The following ZNF385D variants were observed in gnomAD, a reference collection of about 807,000 sequenced individuals.
ZNF385D encodes zinc finger protein 385D.
A neutral mutation model predicts 35.8 loss-of-function variants in ZNF385D; 15 were observed. The observed-to-expected ratio is 0.42, with a 90% CI of 0.28 to 0.64. The LOEUF (loss-of-function observed/expected upper bound fraction) is 0.64. ZNF385D is among the 30% of genes least tolerant of loss of function. ZNF385D has a pLI of 0.23. For missense variants in ZNF385D, 474 were observed against 494.6 expected (o/e 0.96, Z 0.39); for synonymous variants, 212 against 186.8 (o/e 1.13, Z -1.10).
chr3:21,445,686 C>T (rs1021895480), intron 4 of ZNF385D, among the ~76,000 whole-genome samples: 1 of 152,130 alleles, frequency 6.6e-6, no homozygotes, highest in African/African-American at 2.4e-5. Flanking sequence ...ATAACTAGAA[C>T]AGTGTCTGCC....
chr3:22,130,020 A>G (rs1609179), intron 3 of ZNF385D, among the ~76,000 whole-genome samples: 1 of 151,868 alleles, frequency 6.6e-6, no homozygotes, highest in East Asian at 1.9e-4. Flanking sequence ...AAGGATTCTT[A>G]AGCCAGCAGG....
In ZNF385D at chr3:21,979,426, G is replaced by C. The variant is rs142914937; in HGVS notation, c.325+189391C>G. Among the ~76,000 whole-genome samples the C allele has an allele frequency of 2.7e-3, 407 of 152,204 alleles. 2 individuals are homozygous for C. The highest frequency in any genetic ancestry group is 9.2e-3 in the African/African-American group (384 of 41,546). ...AGATTGAGCTTTTTATCCAATATTTGACAGCTAGTTAGCCACTAAGCTGAA... is the reference window on the plus strand; with the variant it reads ...AGATTGAGCTTTTTATCCAATATTTCACAGCTAGTTAGCCACTAAGCTGAA... On this transcript the variant is annotated intron_variant, in intron 3 of 5. Transcript: ENST00000494108.
intron 3 of ZNF385D, among the ~76,000 whole-genome samples, chr3:21,996,435 C>G (rs896639139): frequency 6.6e-5 from 10 of 152,186 alleles, no homozygotes; most frequent in Admixed American, 5.2e-4. Flanking sequence ...TCAGTGTTCT[C>G]TCTCAGATGA....
Position 21,880,159 on chromosome 3 carries a change from A to G in ZNF385D, c.326-215131T>C, listed in dbSNP as rs143225640. ...CAGAAGCATAAAATGACTATAAAAG[A>G]ATGATTTTGTTACAAAAAAAGTGAT... On this transcript the variant is annotated intron_variant, in intron 3 of 5. Coordinates refer to the ZNF385D transcript ENST00000494108. Among the ~76,000 whole-genome samples, 677 of 152,050 alleles carry G rather than the reference A, an allele frequency of 4.5e-3. 7 individuals carry two copies. The highest frequency in any genetic ancestry group is 0.015 in the African/African-American group (611 of 41,532).
chr3:21,914,264 A>AGATGCTTC (rs1700092280), intron 3 of ZNF385D, among the ~76,000 whole-genome samples: 1 of 152,062 alleles, frequency 6.6e-6, no homozygotes, highest in African/African-American at 2.4e-5. Flanking sequence ...GGGTGAGTTA[A>AGATGCTTC]CACTTATATT....
intron 1 of ZNF385D, among the ~76,000 whole-genome samples, chr3:21,750,094 T>C (rs2125553034): frequency 6.6e-6 from 1 of 152,348 alleles, no homozygotes; most frequent in African/African-American, 2.4e-5. Context: ...ATTCAGTCCT[T>C]ATCTTTGACT....
chr3:22,140,166 T>G (rs938951026), intron 3 of ZNF385D, among the ~76,000 whole-genome samples: 3 of 152,220 alleles, frequency 2.0e-5, no homozygotes, highest in African/African-American at 7.2e-5. Context: ...AGGAGCTTTG[T>G]AATATTCAAA....
intron 2 of ZNF385D, among the ~76,000 whole-genome samples, chr3:22,250,789 T>C (rs549271305): frequency 6.6e-6 from 1 of 152,078 alleles, no homozygotes; most frequent in Non-Finnish European, 1.5e-5. Flanking sequence ...GGGCAAAATG[T>C]GCTGTCAGTG....
intron 3 of ZNF385D, among the ~76,000 whole-genome samples, chr3:21,802,839 T>G (rs1011710872): frequency 6.6e-6 from 1 of 152,136 alleles, no homozygotes; most frequent in Admixed American, 6.6e-5. Flanking sequence ...GTGAAATGCT[T>G]AGAAAGCTAC....
chr3:21,778,698 A>T (rs138653560), intron 3 of ZNF385D, among the ~76,000 whole-genome samples: 67 of 152,058 alleles, frequency 4.4e-4, no homozygotes, highest in Middle Eastern at 3.4e-3. Flanking sequence ...TTAATTTTAT[A>T]ATTTAATTAA....
intron 3 of ZNF385D, among the ~76,000 whole-genome samples, chr3:22,161,861 T>C (rs1705976343): frequency 6.6e-6 from 1 of 152,172 alleles, no homozygotes; most frequent in African/African-American, 2.4e-5. Context: ...TATAATTTTG[T>C]TGACAGTAGA....
intron 3 of ZNF385D, among the ~76,000 whole-genome samples, chr3:22,011,468 G>A (rs369503270): frequency 9.3e-4 from 142 of 152,172 alleles, no homozygotes; most frequent in South Asian, 3.7e-3. Flanking sequence ...CTCAAGGCAA[G>A]AAGAGAACAA....
At chr3:21,700,068 G>A (rs895213801) in intron 1 of ZNF385D, among the ~76,000 whole-genome samples, 1 of 151,956 alleles carries the variant, frequency 6.6e-6, no homozygotes, top group Non-Finnish European at 1.5e-5. Context: ...CTGACTTCAG[G>A]TGATCAAACT....
At chr3:21,720,136 T>A (rs571607709) in intron 1 of ZNF385D, among the ~76,000 whole-genome samples, 1 of 152,156 alleles carries the variant, frequency 6.6e-6, no homozygotes, top group Non-Finnish European at 1.5e-5. Flanking sequence ...GGCCTGGGCA[T>A]TGGAATTTCA....
At chr3:21,478,184 C>T (rs921089618) in intron 4 of ZNF385D, among the ~76,000 whole-genome samples, 2 of 152,062 alleles carry the variant, frequency 1.3e-5, no homozygotes, top group African/African-American at 2.4e-5. Flanking sequence ...CAAAACCTAG[C>T]ACATAATAGG....
chr3:22,241,984 C>G (rs542099240), intron 2 of ZNF385D, among the ~76,000 whole-genome samples: 2 of 149,246 alleles, frequency 1.3e-5, no homozygotes, highest in East Asian at 2.0e-4. Flanking sequence ...AACAAAAAAC[C>G]AAAGACCGCA....
At chr3:22,058,863 G>T (rs542978103) in intron 3 of ZNF385D, among the ~76,000 whole-genome samples, 1 of 152,096 alleles carries the variant, frequency 6.6e-6, no homozygotes, top group East Asian at 1.9e-4. Context: ...TGGTTAGTGG[G>T]GACCACTATC....
intron 2 of ZNF385D, among the ~76,000 whole-genome samples, chr3:22,286,945 G>A (rs1234334913): frequency 6.6e-6 from 1 of 151,952 alleles, no homozygotes; most frequent in Admixed American, 6.6e-5. Flanking sequence ...TTTCTGTGAG[G>A]ATAATCTAAC....
chr3:22,190,500 G>C (rs576770898), intron 2 of ZNF385D, among the ~76,000 whole-genome samples: 58 of 152,100 alleles, frequency 3.8e-4, no homozygotes, highest in Non-Finnish European at 7.8e-4. Flanking sequence ...GGAATTTGTC[G>C]TGGTCACTGA....
Sources: allele counts gnomAD v4.1 joint callset (sites outside exome capture counted in the v4.1 genomes callset), GRCh38; gene constraint gnomAD v4.1.1; transcripts MANE v1.5; gene names NCBI Gene and HGNC (gene_info 2026-07-23, HGNC 2026-07-21).